Variants in RHEBL1 observed in about 807,000 individuals in gnomAD.
RHEBL1 encodes GTPase RhebL1.
In RHEBL1, 22 loss-of-function variants were observed where a neutral mutation model predicts 27.4. That is an observed-to-expected ratio of 0.80 (90% CI 0.57 to 1.15). RHEBL1 has a LOEUF of 1.15. Ranked by LOEUF, RHEBL1 falls within the 50% of genes most tolerant of loss-of-function variation. RHEBL1 has a pLI of 0.00. For synonymous variants in RHEBL1, 85 were observed against 80.8 expected (o/e 1.05, Z -0.28); for missense variants, 186 against 226.5 (o/e 0.82, Z 1.15).
At chr12:49,068,429 CTT>C (rs56316449) in intron 2 of RHEBL1, among the ~76,000 whole-genome samples, 26 of 99,616 alleles carry the variant, frequency 2.6e-4, no homozygotes, top group African/African-American at 8.1e-4. Flanking sequence ...CGGTGCCCAG[CTT>C]TTTTTTTTTT....
At chr12:49,068,897 T>A in intron 2 of RHEBL1, 138 bp downstream of exon 2, 1 of 898,168 alleles carries the variant, frequency 1.1e-6, no homozygotes, top group Non-Finnish European at 1.7e-6. Flanking sequence ...TCGAACAGGA[T>A]TGCTAAAGAA....
At chr12:49,066,176 CTGAT>C (rs1938993685) in intron 6 of RHEBL1, 51 bp downstream of exon 6, 1 of 1,427,734 alleles carries the variant, frequency 7.0e-7, no homozygotes, top group Non-Finnish European at 9.9e-7. Flanking sequence ...GAGAGCCTGA[CTGAT>C]TCCCAGTCCA....
intron 6 of RHEBL1, 140 bp downstream of exon 6, chr12:49,066,088 GTAT>G (rs2120754157): frequency 1.5e-6 from 1 of 659,828 alleles, no homozygotes. Context: ...TAAGATAGAA[GTAT>G]TATCTTCCTT....
chr12:49,066,944 T>C, intron 3 of RHEBL1, 24 bp downstream of exon 3: 1 of 1,596,378 alleles, frequency 6.3e-7, no homozygotes. Flanking sequence ...CTGCCACATT[T>C]GGATACCATA....
chr12:49,066,162 G>T, intron 6 of RHEBL1, 69 bp downstream of exon 6: 1 of 1,275,828 alleles, frequency 7.8e-7, no homozygotes, highest in Non-Finnish European at 1.1e-6. Flanking sequence ...GGAAGAGCCA[G>T]GATGAGAGCC....
intron 2 of RHEBL1, among the ~76,000 whole-genome samples, chr12:49,067,979 G>C (rs543769559): frequency 2.8e-4 from 42 of 152,022 alleles, no homozygotes; most frequent in Admixed American, 9.2e-4. Context: ...TAGCTATTTT[G>C]AAATGTAAAA....
rs1939001336 is a variant in RHEBL1, at chr12:49,066,623, G to T, written c.271C>A (p.His91Asn). 6.2e-7 allele frequency: 1 copy of T among 1,613,614 alleles called. No individual in the cohort carries two copies. The highest frequency in any genetic ancestry group is 2.2e-5 in the East Asian group (1 of 44,880). ...YVLVYSVTSLHSFQVIESLYQ... is the reference protein window; with the variant it reads ...YVLVYSVTSLNSFQVIESLYQ... ...CTCACAACCTTGGTCACTTACCTATGCAGAGAGGTGACAGAATACACAAGC... is the reference window on the plus strand; with the variant it reads ...CTCACAACCTTGGTCACTTACCTATTCAGAGAGGTGACAGAATACACAAGC... Residue 91 changes from histidine (H) to asparagine (N), a missense_variant, in exon 4 of 8, where the codon CAT (histidine) becomes AAT (asparagine). Around this residue, in one of 3 missense-constraint regions of RHEBL1, gnomAD observed 34 missense variants for 69.3 expected, o/e 0.49. Coordinates refer to ENST00000301068, the MANE Select transcript of RHEBL1 (RefSeq NM_144593.3).
In RHEBL1 at chr12:49,064,896, T is replaced by A. The variant is rs1214946624; in HGVS notation, c.*207A>T. 10 of 584,216 alleles carry A rather than the reference T, an allele frequency of 1.7e-5. No homozygotes were observed. The highest frequency in any genetic ancestry group is 3.1e-5 in the Non-Finnish European group (10 of 326,192). The allele number at this position is 584,216 out of a possible 1,614,324, so 36.2% of individuals were successfully genotyped here. A position where few individuals can be genotyped will look rare whatever the true frequency, so the allele number is the denominator to read the frequency against. On this transcript the variant is annotated 3_prime_UTR_variant, in exon 8 of 8. Coordinates refer to ENST00000301068, the MANE Select transcript of RHEBL1 (RefSeq NM_144593.3). Reference sequence around the variant, plus strand: ...ACAGAGGGCTAGAGGCCAGTGTCCATGAGAGGTCCTTGCCCCTTTGTAAAC... The same window carrying A: ...ACAGAGGGCTAGAGGCCAGTGTCCAAGAGAGGTCCTTGCCCCTTTGTAAAC...
In RHEBL1 at chr12:49,065,129, G is replaced by C; in HGVS notation, c.526C>G (p.Gln176Glu). The change falls in exon 8 of 8, where the codon CAA becomes GAA. Residue 176 changes from glutamine (Q) to glutamate (E), a missense_variant. By Grantham distance (29) the Gln-to-Glu change is conservative (BLOSUM62 2). This residue lies in a region of RHEBL1 where 90 missense variants were observed against 95.2 expected (regional missense o/e 0.95). Coordinates refer to ENST00000301068, the MANE Select transcript of RHEBL1 (RefSeq NM_144593.3). ...EIARVENSYG[Q>E]ERRCHLM ...CACATGAGATGGCAGCGACGCTCTT[G>C]CCCATAGGAATTCTCCACACGGGCA... 1.9e-6 allele frequency: 3 copies of C among 1,613,916 alleles called. No individual in the cohort carries two copies. Among genetic ancestry groups the C allele is most frequent in the Non-Finnish European group, 2.5e-6 (3 of 1,179,784 alleles).
At chr12:49,069,133 T>C in intron 1 of RHEBL1, 27 bp from the exon 2 acceptor site, 6 of 1,614,066 alleles carry the variant, frequency 3.7e-6, no homozygotes, top group Non-Finnish European at 5.1e-6. Context: ...GACAGTTGTA[T>C]CCAAATCATC....
chr12:49,067,098 AC>A (rs1939010654), intron 2 of RHEBL1, 63 bp from the exon 3 acceptor site: 44 of 855,716 alleles, frequency 5.1e-5, no homozygotes, highest in East Asian at 8.5e-5. Context: ...ATGTCCCCTG[AC>A]TTTTTTTTTT....
At chr12:49,067,712 G>A (rs1939019945) in intron 2 of RHEBL1, among the ~76,000 whole-genome samples, 1 of 152,128 alleles carries the variant, frequency 6.6e-6, no homozygotes, top group African/African-American at 2.4e-5. Context: ...CCCAGGAGGT[G>A]GAGGTTGCAG....
In RHEBL1 at chr12:49,064,760, C is replaced by A. The variant is rs980106630; in HGVS notation, c.*343G>T. The A allele has an allele frequency of 1.2e-5, 3 of 250,832 alleles. No homozygotes were observed. The highest frequency in any genetic ancestry group is 6.6e-5 in the African/African-American group (3 of 45,724). 15.5% of individuals were successfully genotyped at this position (250,832 alleles called of 1,614,324 possible). A position where few individuals can be genotyped will look rare whatever the true frequency, so the allele number is the denominator to read the frequency against. ...GCTCTATTTCAGAAGTCCCCGGCTC[C>A]CCTTACCCAGCCAACACCCAAAACC... On this transcript the variant is annotated 3_prime_UTR_variant, in exon 8 of 8. Coordinates refer to ENST00000301068, the MANE Select transcript of RHEBL1 (RefSeq NM_144593.3).
chr12:49,066,302 C>T (rs369102432), intron 5 of RHEBL1, 24 bp from the exon 6 acceptor site: 105 of 1,611,836 alleles, frequency 6.5e-5, no homozygotes, highest in Admixed American at 8.3e-5. Context: ...GCAGTTACTT[C>T]AGAATCCCCT....
rs564300609 is a variant in RHEBL1 at position 49,065,465 on chromosome 12, T to C, written c.381-34A>G. 3.0e-5 allele frequency: 46 copies of C among 1,554,762 alleles called. 1 individual carries two copies. In the South Asian group the frequency reaches 3.9e-4, roughly 13 times the overall value. On this transcript the variant is annotated intron_variant, in intron 6 of 7. Transcript: ENST00000301068. ...AAATTTGGGACATAAAGATGGAGGA[T>C]AGAAATGTCAGTAAGTGCTCTGAAA...
rs979173241 is a variant in RHEBL1, at chr12:49,067,043, G to T, written c.125-8C>A. The T allele has an allele frequency of 1.1e-5, 17 of 1,598,384 alleles. No homozygotes were observed. The highest frequency in any genetic ancestry group is 1.4e-5 in the Non-Finnish European group (16 of 1,171,154). ...TCACTATCTTGCTGTAAGCTGAAAA[G>T]AAAAGAAAACTTGACTGTGAAGTGC... On this transcript the variant is annotated splice_region_variant and splice_polypyrimidine_tract_variant and intron_variant, in intron 2 of 7. Coordinates refer to ENST00000301068, the MANE Select transcript of RHEBL1 (RefSeq NM_144593.3).
intron 2 of RHEBL1, among the ~76,000 whole-genome samples, chr12:49,067,681 G>A (rs1160420705): frequency 6.6e-6 from 1 of 152,148 alleles, no homozygotes; most frequent in Non-Finnish European, 1.5e-5. Context: ...TCAGGAGGGT[G>A]AAGCGTGAGA....
intron 1 of RHEBL1, 105 bp downstream of exon 1, chr12:49,069,629 T>A (rs554179648): frequency 2.2e-5 from 22 of 1,005,886 alleles, no homozygotes; most frequent in South Asian, 1.8e-4. Flanking sequence ...TACAACCCCA[T>A]CCTTACGATG....
At position 49,069,977 on chromosome 12, in the gene RHEBL1, A is replaced by G. The variant is rs544221441; in HGVS notation, c.-192T>C. The G allele has an allele frequency of 8.8e-4, 531 of 601,118 alleles. 3 individuals are homozygous for G. The highest frequency in any genetic ancestry group is 1.5e-3 in the Admixed American group (53 of 34,202). 37.2% of individuals were successfully genotyped at this position (601,118 alleles called of 1,614,324 possible). On this transcript the variant is annotated 5_prime_UTR_variant, in exon 1 of 8. Transcript: ENST00000301068. ...CACGTGATCACAACACAGCACGTCT[A>G]ACGCCAGGGAGCCGGGCGCCCGGGG... is the stretch of plus-strand genomic sequence containing the variant.
Sources: allele counts gnomAD v4.1 joint callset (sites outside exome capture counted in the v4.1 genomes callset), GRCh38; gene constraint gnomAD v4.1.1; regional missense constraint gnomAD v4.1.1; transcripts MANE v1.5; gene names NCBI Gene and HGNC (gene_info 2026-07-23, HGNC 2026-07-21).